SOX5: variants seen among roughly 807,000 people sequenced by gnomAD.
The protein encoded by SOX5 is SRY-box transcription factor 5, also known as transcription factor SOX-5.
Under a neutral mutation model 92.0 loss-of-function variants are expected in SOX5, and 9 were observed. The observed-to-expected ratio is 0.10, with a 90% CI of 0.06 to 0.17. The LOEUF is 0.17. SOX5 is among the 10% of genes least tolerant of loss of function. The pLI is 1.00. For synonymous variants in SOX5, 344 were observed against 336.3 expected (o/e 1.02, Z -0.25); for missense variants, 642 against 944.5 (o/e 0.68, Z 4.20).
intron 4 of SOX5, among the ~76,000 whole-genome samples, chr12:24,110,753 T>C (rs550178869): frequency 9.9e-5 from 15 of 151,248 alleles, no homozygotes; most frequent in Non-Finnish European, 2.2e-4. Context: ...TTTAAAAAAT[T>C]AGCTGGGCAT....
rs371480644 is a variant in SOX5 at position 23,600,522 on chromosome 12, CATATATAT to C, written c.1164+3857_1164+3864del. ...AAGATAGACCATGGCGGGGGGGGTG[CATATATAT>C]ATATATATATATATATATATATACA... On this transcript the variant is annotated intron_variant, in intron 9 of 14. Coordinates refer to ENST00000451604, the MANE Select transcript of SOX5 (RefSeq NM_006940.6). Among the ~76,000 whole-genome samples the C allele has an allele frequency of 4.3e-4, 17 of 39,802 alleles. 2 individuals carry two copies. The highest frequency in any genetic ancestry group is 2.3e-3 in the Admixed American group (8 of 3,414). 26.1% of individuals were successfully genotyped at this position (39,802 alleles called of 152,430 possible).
At chr12:23,963,835 T>C (rs967857618) in intron 4 of SOX5, among the ~76,000 whole-genome samples, 2 of 150,768 alleles carry the variant, frequency 1.3e-5, no homozygotes, top group South Asian at 4.2e-4. Flanking sequence ...TAGAGGTATA[T>C]ACTATCTTAA....
intron 6 of SOX5, among the ~76,000 whole-genome samples, chr12:23,686,964 T>C (rs867129739): frequency 1.3e-5 from 2 of 152,060 alleles, no homozygotes; most frequent in Non-Finnish European, 2.9e-5. Flanking sequence ...AAACAGCCTC[T>C]GGTGTGGTGT....
At chr12:24,521,515 G>A (rs1265882950) in intron 1 of SOX5, among the ~76,000 whole-genome samples, 1 of 152,138 alleles carries the variant, frequency 6.6e-6, no homozygotes, top group Non-Finnish European at 1.5e-5. Flanking sequence ...CATTCTTCTC[G>A]AGCAAATGTG....
intron 6 of SOX5, among the ~76,000 whole-genome samples, chr12:23,693,831 TCA>T (rs1007769365): frequency 2.0e-5 from 3 of 152,220 alleles, no homozygotes; most frequent in South Asian, 2.1e-4. Flanking sequence ...TGCTTATTTT[TCA>T]CAGAGACTTA....
chr12:24,144,815 C>T (rs1280266407), intron 4 of SOX5, among the ~76,000 whole-genome samples: 2 of 150,914 alleles, frequency 1.3e-5, no homozygotes, highest in African/African-American at 4.9e-5. Flanking sequence ...GGTAAAAGAG[C>T]AAGACCCTGT....
chr12:23,792,152 T>G (rs941951208), intron 3 of SOX5, among the ~76,000 whole-genome samples: 6 of 152,024 alleles, frequency 3.9e-5, no homozygotes, highest in Non-Finnish European at 8.8e-5. Flanking sequence ...AAAACTTTAT[T>G]GTAAAGTGCT....
intron 1 of SOX5, among the ~76,000 whole-genome samples, chr12:24,465,812 G>T (rs73289633): frequency 6.6e-6 from 1 of 152,084 alleles, no homozygotes; most frequent in African/African-American, 2.4e-5. Context: ...AATCATTCAT[G>T]GTCCACCATC....
chr12:24,519,024 C>A (rs183564064), intron 1 of SOX5, among the ~76,000 whole-genome samples: 1 of 152,086 alleles, frequency 6.6e-6, no homozygotes, highest in African/African-American at 2.4e-5. Context: ...AACGTTTATT[C>A]TTTTTTAAAA....
chr12:23,755,218 C>A (rs2094325879), intron 4 of SOX5, among the ~76,000 whole-genome samples: 1 of 151,638 alleles, frequency 6.6e-6, no homozygotes, highest in South Asian at 2.1e-4. Context: ...TATGCTCTCC[C>A]CTTTCATCAT....
intron 2 of SOX5, among the ~76,000 whole-genome samples, chr12:24,344,281 C>CAAAAAAAAAAAAAAAAA (rs61660537): frequency 9.6e-6 from 1 of 104,326 alleles, no homozygotes; most frequent in Non-Finnish European, 2.0e-5. Context: ...GACTCTGTCT[C>CAAAAAAAAAAAAAAAAA]AAAAAAAAAA....
intron 1 of SOX5, among the ~76,000 whole-genome samples, chr12:23,902,248 A>C (rs908566648): frequency 6.6e-6 from 1 of 152,146 alleles, no homozygotes; most frequent in South Asian, 2.1e-4. Context: ...GAACATTATA[A>C]AATGAAAGAC....
intron 4 of SOX5, among the ~76,000 whole-genome samples, chr12:24,018,621 C>A (rs922616097): frequency 1.3e-5 from 2 of 152,028 alleles, no homozygotes; most frequent in East Asian, 3.9e-4. Context: ...CATGGCAAAA[C>A]CCTACCAAAA....
intron 4 of SOX5, among the ~76,000 whole-genome samples, chr12:24,028,962 G>A (rs16927001): frequency 3.9e-5 from 6 of 151,948 alleles, no homozygotes; most frequent in African/African-American, 9.7e-5. Flanking sequence ...ATAAGTTGGC[G>A]CTGCTTAGAA....
rs929723019 is a variant in SOX5, at chr12:23,836,437, C to A, written c.481+9546G>T. The stretch of plus-strand genomic sequence containing the variant: ...AAGCCAAATATATCAATATATTATT[C>A]TCCTATTTATAAGTTGCAAAATATT... On this transcript the variant is annotated intron_variant, in intron 3 of 14. Coordinates refer to ENST00000451604, the MANE Select transcript of SOX5 (RefSeq NM_006940.6). Among the ~76,000 whole-genome samples the A allele has an allele frequency of 2.0e-5, 3 of 151,954 alleles. No individual in the cohort carries two copies. In the South Asian group the frequency reaches 6.2e-4, roughly 31 times the overall value.
intron 1 of SOX5, among the ~76,000 whole-genome samples, chr12:24,472,378 A>C (rs1468609686): frequency 6.6e-6 from 1 of 152,212 alleles, no homozygotes; most frequent in Non-Finnish European, 1.5e-5. Context: ...TGTGATAGGC[A>C]GTAGCAGGCC....
intron 3 of SOX5, chr12:24,227,752 G>C (rs1344572292): frequency 6.6e-6 from 1 of 152,178 alleles, no homozygotes; most frequent in Non-Finnish European, 1.5e-5. Context: ...GAAAAGCTTT[G>C]CTAAGGGCAG....
At chr12:23,795,815 T>C (rs988259663) in intron 3 of SOX5, among the ~76,000 whole-genome samples, 8 of 152,176 alleles carry the variant, frequency 5.3e-5, no homozygotes, top group Admixed American at 2.6e-4. Context: ...TGTATGTATA[T>C]GAAATATAAA....
At chr12:23,663,461 T>C (rs1383916128) in intron 7 of SOX5, among the ~76,000 whole-genome samples, 1 of 152,204 alleles carries the variant, frequency 6.6e-6, no homozygotes, top group African/African-American at 2.4e-5. Context: ...GGCCTACGGT[T>C]ATGCTATTGT....
Sources: allele counts gnomAD v4.1 joint callset (sites outside exome capture counted in the v4.1 genomes callset), GRCh38; gene constraint gnomAD v4.1.1; transcripts MANE v1.5; gene names NCBI Gene and HGNC (gene_info 2026-07-23, HGNC 2026-07-21).